Variants in TRPC6 observed in about 807,000 individuals in gnomAD.
TRPC6 encodes short transient receptor potential channel 6.
A neutral mutation model predicts 90.7 loss-of-function variants in TRPC6; 55 were observed. The observed-to-expected ratio is 0.61, with a 90% CI of 0.49 to 0.76. The LOEUF (loss-of-function observed/expected upper bound fraction) is 0.76, where lower values mean the gene tolerates loss of function less well. Among genes scored for constraint, TRPC6 ranks in the 30% least tolerant of loss-of-function variants. The pLI, the probability that TRPC6 is intolerant of heterozygous loss-of-function variation, is 0.00. For synonymous variants in TRPC6, 393 were observed against 393.0 expected (o/e 1.00, Z 0.00); for missense variants, 989 against 1,122.7 (o/e 0.88, Z 1.70).
intron 10 of TRPC6, among the ~76,000 whole-genome samples, chr11:101,459,684 GATTTT>G (rs955722354): frequency 5.3e-5 from 8 of 152,110 alleles, no homozygotes; most frequent in Admixed American, 1.3e-4. Context: ...AAGGCATTTT[GATTTT>G]ATTTTAATTT....
chr11:101,513,800 T>C (rs1266477155), intron 1 of TRPC6, among the ~76,000 whole-genome samples: 4 of 152,124 alleles, frequency 2.6e-5, no homozygotes, highest in Non-Finnish European at 4.4e-5. Context: ...AACTCTTATG[T>C]GGAGGGGGAG....
At chr11:101,487,482 A>G (rs1859702874) in intron 4 of TRPC6, among the ~76,000 whole-genome samples, 1 of 152,014 alleles carries the variant, frequency 6.6e-6, no homozygotes, top group African/African-American at 2.4e-5. Context: ...CTCAAATAAT[A>G]TGCACTGTAC....
rs1858766928 is a variant in TRPC6, at chr11:101,451,669, GTTACA to G, written c.*1281_*1285del. The G allele has an allele frequency of 6.6e-6, 1 of 152,090 alleles. No individual in the cohort carries two copies. Among genetic ancestry groups the G allele is most frequent in the Non-Finnish European group, 1.5e-5 (1 of 68,010 alleles). 9.4% of individuals were successfully genotyped at this position (152,090 alleles called of 1,614,324 possible). A position where few individuals can be genotyped will look rare whatever the true frequency, so the allele number is the denominator to read the frequency against. On this transcript the variant is annotated 3_prime_UTR_variant, in exon 13 of 13. Coordinates refer to ENST00000344327, the MANE Select transcript of TRPC6 (RefSeq NM_004621.6). ...ATTTTCAGCTGTATTTTCTGATCTG[GTTACA>G]TAAATGTTCTTTGATTTAAATTAAG...
intron 1 of TRPC6, among the ~76,000 whole-genome samples, chr11:101,512,219 C>A (rs1234583232): frequency 1.3e-5 from 2 of 152,090 alleles, no homozygotes; most frequent in African/African-American, 4.8e-5. Context: ...TACTAACTTT[C>A]TGTTTGATCA....
rs572927801 is a variant in TRPC6, at chr11:101,544,321, G to A, written c.170+39013C>T. Reference sequence around the variant, plus strand: ...TTCAACCATTGTGGAATATAGTGTGGTGATTCCTCAAGGATCTAGAACTAG... The same window carrying A: ...TTCAACCATTGTGGAATATAGTGTGATGATTCCTCAAGGATCTAGAACTAG... On this transcript the variant is annotated intron_variant, in intron 1 of 12. Coordinates refer to ENST00000344327, the MANE Select transcript of TRPC6 (RefSeq NM_004621.6). 2.6e-5 allele frequency among the ~76,000 whole-genome samples: 4 copies of A among 152,284 alleles called. No individual in the cohort carries two copies. The East Asian group carries it at 7.7e-4, about 29-fold the overall frequency.
At chr11:101,558,249 A>ACGGG (rs1861614114) in intron 1 of TRPC6, among the ~76,000 whole-genome samples, 1 of 138,414 alleles carries the variant, frequency 7.2e-6, no homozygotes, top group African/African-American at 2.8e-5. Context: ...ATACATGTAT[A>ACGGG]TATGTATACA....
At chr11:101,466,183 G>A (rs1200169904) in intron 10 of TRPC6, among the ~76,000 whole-genome samples, 1 of 152,132 alleles carries the variant, frequency 6.6e-6, no homozygotes, top group Admixed American at 6.5e-5. Context: ...ATACACAGGG[G>A]TCAGGGACCC....
At chr11:101,544,017 G>A (rs1285530019) in intron 1 of TRPC6, among the ~76,000 whole-genome samples, 1 of 152,054 alleles carries the variant, frequency 6.6e-6, no homozygotes, top group Non-Finnish European at 1.5e-5. Flanking sequence ...AATCTAAAAT[G>A]AACTTAAACA....
intron 1 of TRPC6, among the ~76,000 whole-genome samples, chr11:101,537,988 T>C (rs964069473): frequency 6.6e-6 from 1 of 152,208 alleles, no homozygotes; most frequent in Admixed American, 6.5e-5. Flanking sequence ...GTTCTTAGTA[T>C]ATTTTTCTGT....
intron 5 of TRPC6, among the ~76,000 whole-genome samples, chr11:101,480,243 G>A (rs6590864): frequency 3.3e-5 from 5 of 151,912 alleles, no homozygotes; most frequent in Non-Finnish European, 7.4e-5. Flanking sequence ...TTATGGTCAA[G>A]AATAAAATGA....
intron 1 of TRPC6, among the ~76,000 whole-genome samples, chr11:101,558,096 A>T (rs1386264121): frequency 6.6e-6 from 1 of 151,914 alleles, no homozygotes; most frequent in Non-Finnish European, 1.5e-5. Flanking sequence ...CAAAAAGAAT[A>T]AAACTGAAGT....
intron 2 of TRPC6, among the ~76,000 whole-genome samples, chr11:101,498,200 T>C (rs1859999124): frequency 6.6e-6 from 1 of 152,180 alleles, no homozygotes; most frequent in Non-Finnish European, 1.5e-5. Flanking sequence ...GGTTTTCTGT[T>C]TTTTACTGAC....
intron 1 of TRPC6, among the ~76,000 whole-genome samples, chr11:101,521,728 G>A (rs989701562): frequency 1.3e-5 from 2 of 152,238 alleles, no homozygotes; most frequent in Non-Finnish European, 2.9e-5. Context: ...TAGGGGCAAA[G>A]CTGCCCAAGG....
intron 1 of TRPC6, among the ~76,000 whole-genome samples, chr11:101,509,507 A>T (rs1257127786): frequency 6.6e-6 from 1 of 152,172 alleles, no homozygotes; most frequent in African/African-American, 2.4e-5. Flanking sequence ...CTAAGTTTAC[A>T]TTGAGCTAAA....
At chr11:101,512,676 G>C (rs544484100) in intron 1 of TRPC6, among the ~76,000 whole-genome samples, 22 of 152,234 alleles carry the variant, frequency 1.4e-4, no homozygotes, top group South Asian at 8.3e-4. Flanking sequence ...TTGGGGATCT[G>C]AACTTGAGAA....
chr11:101,483,201 T>G, intron 4 of TRPC6, 36 bp from the exon 5 acceptor site: 1 of 1,611,272 alleles, frequency 6.2e-7, no homozygotes, highest in Non-Finnish European at 8.5e-7. Flanking sequence ...ATCTTAACTT[T>G]GTTTTGTACA....
At chr11:101,543,291 T>A (rs1861217509) in intron 1 of TRPC6, among the ~76,000 whole-genome samples, 1 of 152,024 alleles carries the variant, frequency 6.6e-6, no homozygotes, top group East Asian at 1.9e-4. Context: ...GAAAAGCACT[T>A]TGGCAATTTC....
intron 1 of TRPC6, among the ~76,000 whole-genome samples, chr11:101,520,493 T>C (rs1860632709): frequency 6.6e-6 from 1 of 152,094 alleles, no homozygotes; most frequent in South Asian, 2.1e-4. Flanking sequence ...TAAAAGCAAC[T>C]TTGGAACCAG....
intron 3 of TRPC6, 71 bp from the exon 4 acceptor site, chr11:101,489,172 C>G: frequency 7.5e-7 from 1 of 1,336,874 alleles, no homozygotes; most frequent in Non-Finnish European, 1.1e-6. Context: ...TTCATGTGTT[C>G]TAATAGTTCC....
Sources: allele counts gnomAD v4.1 joint callset (sites outside exome capture counted in the v4.1 genomes callset), GRCh38; gene constraint gnomAD v4.1.1; transcripts MANE v1.5; gene names NCBI Gene and HGNC (gene_info 2026-07-23, HGNC 2026-07-21).